ADAMTS16: variants seen among roughly 807,000 people sequenced by gnomAD.
ADAMTS16 encodes ADAM metallopeptidase with thrombospondin type 1 motif 16.
Under a neutral mutation model 145.8 loss-of-function variants are expected in ADAMTS16, and 94 were observed. The observed-to-expected ratio is 0.64, with a 90% confidence interval of 0.55 to 0.77. ADAMTS16 has a LOEUF of 0.77. Among genes scored for constraint, ADAMTS16 ranks in the 30% least tolerant of loss-of-function variants. The pLI, the probability that ADAMTS16 is intolerant of heterozygous loss-of-function variation, is 0.00. For missense variants in ADAMTS16, 1,585 were observed against 1,591.5 expected (o/e 1.00, Z 0.07); for synonymous variants, 659 against 604.3 (o/e 1.09, Z -1.33).
chr5:5,181,160 C>T (rs940207542), intron 3 of ADAMTS16, among the ~76,000 whole-genome samples: 5 of 152,118 alleles, frequency 3.3e-5, no homozygotes, highest in Non-Finnish European at 4.4e-5. Flanking sequence ...AAATATTTGG[C>T]GAGAATTCCC....
intron 3 of ADAMTS16, among the ~76,000 whole-genome samples, chr5:5,174,372 A>AT (rs369486786): frequency 1.8e-4 from 26 of 146,230 alleles, no homozygotes; most frequent in South Asian, 1.1e-3. Context: ...TGCTTTTAGG[A>AT]TTTTTTTTTT....
At chr5:5,212,196 T>C (rs1560951005) in intron 10 of ADAMTS16, among the ~76,000 whole-genome samples, 2 of 105,836 alleles carry the variant, frequency 1.9e-5, no homozygotes, top group African/African-American at 5.7e-5. Context: ...TGGGGTTTTT[T>C]TTGTTTTGTT....
At chr5:5,204,517 C>T (rs1736040528) in intron 9 of ADAMTS16, among the ~76,000 whole-genome samples, 1 of 152,208 alleles carries the variant, frequency 6.6e-6, no homozygotes, top group South Asian at 2.1e-4. Flanking sequence ...TAACCACCAT[C>T]CTGACATGGA....
Position 5,319,735 on chromosome 5 carries a change from T to C in ADAMTS16, c.*597T>C, listed in dbSNP as rs1734212314. 2.5e-6 allele frequency: 1 copy of C among 392,924 alleles called. No individual in the cohort carries two copies. The highest frequency in any genetic ancestry group is 5.0e-6 in the Non-Finnish European group (1 of 201,000). 24.3% of individuals were successfully genotyped at this position (392,924 alleles called of 1,614,324 possible). A position where few individuals can be genotyped will look rare whatever the true frequency, so the allele number is the denominator to read the frequency against. On this transcript the variant is annotated 3_prime_UTR_variant, in exon 23 of 23. Coordinates refer to ENST00000274181, the MANE Select transcript of ADAMTS16 (RefSeq NM_139056.4). ...CCACCGCCGGAGCCAGCGTCATCTCTAGGGTCACTGGCCAGGGGACTGCAT... is the reference window on the plus strand; with the variant it reads ...CCACCGCCGGAGCCAGCGTCATCTCCAGGGTCACTGGCCAGGGGACTGCAT...
Position 5,148,908 on chromosome 5 carries a change from G to A in ADAMTS16, c.501+2453G>A, listed in dbSNP as rs116114125. ...AGGACCCAGAGGAGGATGCCTCTGC[G>A]TGCCTTGCTGGTAGGTGGAGAGTGT... On this transcript the variant is annotated intron_variant, in intron 3 of 22. Transcript: ENST00000274181. Among the ~76,000 whole-genome samples, 400 of 152,208 alleles carry A rather than the reference G, an allele frequency of 2.6e-3. 1 individual carries two copies. The highest frequency in any genetic ancestry group is 3.4e-3 in the Middle Eastern group (1 of 294).
chr5:5,168,679 AT>A (rs1266022135), intron 3 of ADAMTS16, among the ~76,000 whole-genome samples: 4 of 18,080 alleles, frequency 2.2e-4, no homozygotes, highest in Admixed American at 2.4e-3. Context: ...AATAATTATA[AT>A]TATATAATTA....
rs148603662 is a variant in ADAMTS16, at chr5:5,302,270, C to T, written c.2790-998C>T. On this transcript the variant is annotated intron_variant, in intron 18 of 22. Coordinates refer to ENST00000274181, the MANE Select transcript of ADAMTS16 (RefSeq NM_139056.4). ...GCACCCCATCACTTGACAACATGCACGTTGATGGGGTCTACTTTAATCACC... is the reference window on the plus strand; with the variant it reads ...GCACCCCATCACTTGACAACATGCATGTTGATGGGGTCTACTTTAATCACC... 2.5e-3 allele frequency among the ~76,000 whole-genome samples: 377 copies of T among 152,300 alleles called. 6 individuals are homozygous for T. Among genetic ancestry groups the T allele is most frequent in the African/African-American group, 8.8e-3 (367 of 41,568 alleles).
intron 3 of ADAMTS16, among the ~76,000 whole-genome samples, chr5:5,171,432 C>A (rs1297685828): frequency 6.6e-6 from 1 of 151,994 alleles, no homozygotes; most frequent in Non-Finnish European, 1.5e-5. Flanking sequence ...TTTTATTGTG[C>A]TGAGGTATGT....
At chr5:5,147,444 T>C (rs548888422) in intron 3 of ADAMTS16, among the ~76,000 whole-genome samples, 132 of 152,362 alleles carry the variant, frequency 8.7e-4, no homozygotes, top group African/African-American at 3.0e-3. Flanking sequence ...TGTGTGTGAA[T>C]TTTGGATGCT....
At chr5:5,250,336 GA>G (rs1476351706) in intron 17 of ADAMTS16, among the ~76,000 whole-genome samples, 5 of 152,148 alleles carry the variant, frequency 3.3e-5, no homozygotes, top group Non-Finnish European at 7.4e-5. Flanking sequence ...GAGCCATGCA[GA>G]AAATAAGGGA....
chr5:5,171,934 T>C (rs1441485683), intron 3 of ADAMTS16, among the ~76,000 whole-genome samples: 1 of 152,140 alleles, frequency 6.6e-6, no homozygotes, highest in Non-Finnish European at 1.5e-5. Context: ...AATCATGGCT[T>C]TGATATTATT....
chr5:5,240,846 G>A (rs1737264887), intron 16 of ADAMTS16, among the ~76,000 whole-genome samples: 3 of 152,180 alleles, frequency 2.0e-5, no homozygotes, highest in Admixed American at 2.0e-4. Flanking sequence ...TTCTTTCCTT[G>A]ATCAATTTAT....
rs1200676065 is a variant in ADAMTS16 at position 5,317,972 on chromosome 5, G to A, written c.3412-162G>A. 3.3e-5 allele frequency among the ~76,000 whole-genome samples: 5 copies of A among 152,332 alleles called. No homozygotes were observed. The highest frequency in any genetic ancestry group is 7.2e-5 in the African/African-American group (3 of 41,580). On this transcript the variant is annotated intron_variant, in intron 21 of 22. Transcript: ENST00000274181. This position sits in a 1 kb window ranked among gnomAD's most constrained non-coding sequence, Gnocchi z 4.5. ...AGGTGAGCAGGGACCGTGCTCACTC[G>A]CGCACATCGTGGCCAACCATAACTC...
intron 10 of ADAMTS16, among the ~76,000 whole-genome samples, chr5:5,219,070 A>G (rs569029149): frequency 1.3e-5 from 2 of 152,014 alleles, no homozygotes; most frequent in Non-Finnish European, 2.9e-5. Context: ...GTTCTCACTT[A>G]GGTCTGTGGT....
At position 5,190,141 on chromosome 5, in the gene ADAMTS16, C is replaced by T. The variant is rs1484788321; in HGVS notation, c.1207+11C>T. The T allele has an allele frequency of 2.5e-6, 4 of 1,577,428 alleles. No homozygotes were observed. Among genetic ancestry groups the T allele is most frequent in the Non-Finnish European group, 3.4e-6 (4 of 1,161,700 alleles). The stretch of plus-strand genomic sequence containing the variant: ...CCTGTGACACTTTGGGTGAGAACCT[C>T]CAGCAGAGTGTGAGGACCGTGTGTG... On this transcript the variant is annotated intron_variant, in intron 7 of 22. Coordinates refer to ENST00000274181, the MANE Select transcript of ADAMTS16 (RefSeq NM_139056.4).
chr5:5,180,959 C>A (rs1049100854), intron 3 of ADAMTS16, among the ~76,000 whole-genome samples: 3 of 152,186 alleles, frequency 2.0e-5, no homozygotes, highest in African/African-American at 7.2e-5. Context: ...TAATTATCAT[C>A]AGTACGTAAC....
intron 8 of ADAMTS16, among the ~76,000 whole-genome samples, chr5:5,198,578 C>A (rs903681178): frequency 2.6e-5 from 4 of 152,164 alleles, no homozygotes; most frequent in African/African-American, 7.2e-5. Context: ...CTCGGTCTTG[C>A]TGTCTTTATA....
intron 20 of ADAMTS16, among the ~76,000 whole-genome samples, chr5:5,306,200 A>G (rs886278971): frequency 6.6e-6 from 1 of 152,196 alleles, no homozygotes; most frequent in South Asian, 2.1e-4. Context: ...GTATGCTTCG[A>G]TATCAGTGAC....
At chr5:5,292,052 G>A (rs1270302343) in intron 18 of ADAMTS16, among the ~76,000 whole-genome samples, 2 of 152,146 alleles carry the variant, frequency 1.3e-5, no homozygotes, top group Admixed American at 6.5e-5. Context: ...CAGACAGAAT[G>A]GCCCTCTCTA....
Sources: allele counts gnomAD v4.1 joint callset (sites outside exome capture counted in the v4.1 genomes callset), GRCh38; gene constraint gnomAD v4.1.1; non-coding constraint Gnocchi (gnomAD v3.1); transcripts MANE v1.5; gene names NCBI Gene and HGNC (gene_info 2026-07-23, HGNC 2026-07-21).